DLC1: variants seen among roughly 807,000 people sequenced by gnomAD.
DLC1 encodes DLC1 Rho GTPase activating protein.
A neutral mutation model predicts 140.3 loss-of-function variants in DLC1; 54 were observed. The ratio of observed to expected loss-of-function variants is 0.38; its 90% confidence interval spans 0.31 to 0.48. The LOEUF is 0.48. DLC1 is among the 20% of genes least tolerant of loss of function. The pLI is 0.96. For synonymous variants in DLC1, 986 were observed against 728.1 expected (o/e 1.35, Z -5.70); for missense variants, 2,536 against 1,907.0 (o/e 1.33, Z -6.14).
At chr8:13,473,740 G>T (rs1393630574) in intron 2 of DLC1, among the ~76,000 whole-genome samples, 1 of 152,156 alleles carries the variant, frequency 6.6e-6, no homozygotes, top group Admixed American at 6.6e-5. Flanking sequence ...CTCTTGTTAT[G>T]TTTTAGCAAA....
chr8:13,258,615 C>G (rs73557917), intron 5 of DLC1, among the ~76,000 whole-genome samples: 11,098 of 152,220 alleles, frequency 0.073, 459 homozygotes, highest in South Asian at 0.13. Flanking sequence ...TGAGTTTTCT[C>G]TTTTGTAATT....
At chr8:13,309,506 C>A (rs554846412) in intron 4 of DLC1, among the ~76,000 whole-genome samples, 63 of 152,188 alleles carry the variant, frequency 4.1e-4, no homozygotes, top group Non-Finnish European at 7.4e-4. Flanking sequence ...TTTAAGAAAG[C>A]TTTTTTAGCA....
At chr8:13,109,522 A>G (rs1341150040) in intron 7 of DLC1, among the ~76,000 whole-genome samples, 2 of 151,834 alleles carry the variant, frequency 1.3e-5, no homozygotes, top group Non-Finnish European at 2.9e-5. Flanking sequence ...GTGCCACTGC[A>G]CTCCAGCCTG....
intron 1 of DLC1, among the ~76,000 whole-genome samples, chr8:13,513,880 T>C (rs1280956562): frequency 6.6e-6 from 1 of 152,132 alleles, no homozygotes; most frequent in East Asian, 1.9e-4. Context: ...TGAGATTGAC[T>C]TCAGTTATTC....
chr8:13,091,470 A>G (rs367551974), intron 13 of DLC1, 38 bp from the exon 14 acceptor site: 2 of 1,549,318 alleles, frequency 1.3e-6, no homozygotes, highest in Non-Finnish European at 1.8e-6. Flanking sequence ...CAGTTCAAAT[A>G]TTTATATATT....
At chr8:13,152,549 A>T (rs11204119) in intron 5 of DLC1, among the ~76,000 whole-genome samples, 56,262 of 151,950 alleles carry the variant, frequency 0.37, 10,940 homozygotes, top group East Asian at 0.54. Flanking sequence ...ATGCCATTCA[A>T]ATATAAGTTT....
At chr8:13,369,067 T>C (rs1835616213) in intron 4 of DLC1, among the ~76,000 whole-genome samples, 1 of 152,132 alleles carries the variant, frequency 6.6e-6, no homozygotes, top group Non-Finnish European at 1.5e-5. Flanking sequence ...AATGATCTGA[T>C]TGCCTCAGCC....
At chr8:13,366,943 C>A (rs1586217287) in intron 4 of DLC1, among the ~76,000 whole-genome samples, 1 of 152,144 alleles carries the variant, frequency 6.6e-6, no homozygotes, top group East Asian at 1.9e-4. Flanking sequence ...TTCCTTCCTT[C>A]CTGTCTTGCG....
At chr8:13,441,931 A>C (rs1358375466) in intron 2 of DLC1, among the ~76,000 whole-genome samples, 5 of 152,258 alleles carry the variant, frequency 3.3e-5, no homozygotes, top group Non-Finnish European at 1.5e-5. Context: ...AGCTGGAGGC[A>C]TCACACTATT....
intron 1 of DLC1, among the ~76,000 whole-genome samples, chr8:13,572,272 G>T (rs996738303): frequency 1.3e-5 from 2 of 151,878 alleles, no homozygotes; most frequent in Admixed American, 1.3e-4. Context: ...TGTATTTTTA[G>T]TAGAGACGGG....
intron 5 of DLC1, among the ~76,000 whole-genome samples, chr8:13,187,723 C>T (rs1299661541): frequency 2.0e-5 from 3 of 152,138 alleles, no homozygotes; most frequent in Admixed American, 2.0e-4. Flanking sequence ...TCAAAATCAT[C>T]CGGGAATACT....
chr8:13,132,237 G>GTA (rs1365966128), intron 5 of DLC1, among the ~76,000 whole-genome samples: 10 of 144,942 alleles, frequency 6.9e-5, no homozygotes, highest in Admixed American at 5.4e-4. Context: ...GTGTGTGTGT[G>GTA]TGTGTTTCCT....
chr8:13,432,921 C>T (rs1838949981), intron 2 of DLC1, among the ~76,000 whole-genome samples: 1 of 143,850 alleles, frequency 7.0e-6, no homozygotes, highest in South Asian at 2.3e-4. Context: ...TGCTGTCCTG[C>T]TGGAGGAGGT....
chr8:13,589,735 AAC>A (rs1805452770), intron 1 of DLC1, among the ~76,000 whole-genome samples: 1 of 151,152 alleles, frequency 6.6e-6, no homozygotes, highest in Non-Finnish European at 1.5e-5. Context: ...CACCAGTGGG[AAC>A]AGTTATCTTT....
intron 5 of DLC1, among the ~76,000 whole-genome samples, chr8:13,147,600 C>T (rs1823527249): frequency 1.3e-5 from 2 of 152,094 alleles, no homozygotes; most frequent in South Asian, 2.1e-4. Flanking sequence ...GACCAAGGTT[C>T]GAACAGTACT....
In DLC1 at chr8:13,577,300, T is replaced by C. The variant is rs963495981; in HGVS notation, c.-126+27237A>G. Among the ~76,000 whole-genome samples, 25 of 152,184 alleles carry C rather than the reference T, an allele frequency of 1.6e-4. 1 individual carries two copies. The highest frequency in any genetic ancestry group is 5.9e-5 in the Non-Finnish European group (4 of 68,028). The stretch of plus-strand genomic sequence containing the variant: ...ATAGAGCTGCAACTTACCAAGCCTA[T>C]TTTACATGACAAGGACTCCATCTAA... On this transcript the variant is annotated intron_variant, in intron 1 of 1. Transcript: ENST00000631382.
intron 4 of DLC1, among the ~76,000 whole-genome samples, chr8:13,380,754 C>A (rs949337418): frequency 1.3e-5 from 2 of 152,102 alleles, no homozygotes; most frequent in African/African-American, 4.8e-5. Flanking sequence ...CCTAAGGGGA[C>A]AAATTCGATA....
intron 5 of DLC1, among the ~76,000 whole-genome samples, chr8:13,195,487 A>C (rs1433409223): frequency 1.3e-5 from 2 of 152,212 alleles, no homozygotes; most frequent in Non-Finnish European, 2.9e-5. Flanking sequence ...TTAGATCCGT[A>C]TGATATGAGG....
At chr8:13,115,472 A>G in intron 6 of DLC1, 114 bp downstream of exon 6, 1 of 1,051,688 alleles carries the variant, frequency 9.5e-7, no homozygotes, top group Non-Finnish European at 1.3e-6. Flanking sequence ...CATTTTTTTT[A>G]AAAATAAAAC....
Sources: allele counts gnomAD v4.1 joint callset (sites outside exome capture counted in the v4.1 genomes callset), GRCh38; gene constraint gnomAD v4.1.1; transcripts MANE v1.5; gene names NCBI Gene and HGNC (gene_info 2026-07-23, HGNC 2026-07-21).